RALGPS1: variants seen among roughly 807,000 people sequenced by gnomAD.
The protein encoded by RALGPS1 is Ral GEF with PH domain and SH3 binding motif 1.
Under a neutral mutation model 78.8 loss-of-function variants are expected in RALGPS1, and 19 were observed. The observed-to-expected ratio is 0.24, with a 90% CI of 0.17 to 0.35. RALGPS1 has a LOEUF of 0.35. RALGPS1 is among the 10% of genes least tolerant of loss of function. The pLI is 1.00. For missense variants in RALGPS1, 454 were observed against 688.3 expected (o/e 0.66, Z 3.81); for synonymous variants, 228 against 256.3 (o/e 0.89, Z 1.06).
intron 1 of RALGPS1, among the ~76,000 whole-genome samples, chr9:126,948,335 G>A (rs1490647079): frequency 2.0e-5 from 3 of 152,066 alleles, no homozygotes; most frequent in Non-Finnish European, 2.9e-5. Flanking sequence ...GGCCAATATG[G>A]TGAAACTCTG....
intron 4 of RALGPS1, chr9:126,978,437 C>T (rs1324608773): frequency 1.3e-5 from 2 of 151,684 alleles, no homozygotes; most frequent in South Asian, 2.1e-4. Context: ...TTATTTTACC[C>T]AGGGTGTGTG....
chr9:126,945,179 C>T (rs2037141592), intron 1 of RALGPS1, among the ~76,000 whole-genome samples: 1 of 152,106 alleles, frequency 6.6e-6, no homozygotes, highest in Non-Finnish European at 1.5e-5. Context: ...CTAAGACTGT[C>T]TTTGTCAGGT....
At chr9:127,028,156 C>G (rs1054001640) in intron 4 of RALGPS1, among the ~76,000 whole-genome samples, 1 of 152,236 alleles carries the variant, frequency 6.6e-6, no homozygotes, top group Non-Finnish European at 1.5e-5. Context: ...AGCCCGATTC[C>G]TGGGCTGGCC....
At chr9:127,161,492 A>G (rs1485290229) in intron 8 of RALGPS1, among the ~76,000 whole-genome samples, 1 of 152,148 alleles carries the variant, frequency 6.6e-6, no homozygotes, top group Non-Finnish European at 1.5e-5. Context: ...TCTCTCACTT[A>G]TACCACAGCT....
intron 8 of RALGPS1, among the ~76,000 whole-genome samples, chr9:127,102,023 T>C (rs745650449): frequency 1.3e-5 from 2 of 152,106 alleles, no homozygotes; most frequent in Non-Finnish European, 2.9e-5. Context: ...TTTGACCAGA[T>C]TCATGCCAGG....
At chr9:126,995,159 G>A (rs1322975669) in intron 4 of RALGPS1, among the ~76,000 whole-genome samples, 1 of 152,088 alleles carries the variant, frequency 6.6e-6, no homozygotes, top group African/African-American at 2.4e-5. Context: ...CATAATGACA[G>A]GATCAAATTC....
intron 4 of RALGPS1, among the ~76,000 whole-genome samples, chr9:127,026,620 T>G (rs1025522582): frequency 2.6e-5 from 4 of 152,228 alleles, no homozygotes; most frequent in Admixed American, 2.6e-4. Context: ...TTTTCTAAGT[T>G]TTTGTTTCTT....
At chr9:127,008,109 A>T (rs908631163) in intron 4 of RALGPS1, among the ~76,000 whole-genome samples, 5 of 150,222 alleles carry the variant, frequency 3.3e-5, no homozygotes, top group Non-Finnish European at 7.4e-5. Context: ...ATATCTCCCA[A>T]GTTTCTGGTC....
chr9:127,065,286 G>A (rs965432883), intron 7 of RALGPS1, among the ~76,000 whole-genome samples: 1 of 152,020 alleles, frequency 6.6e-6, no homozygotes, highest in African/African-American at 2.4e-5. Context: ...GCTAATTTTT[G>A]TATTTTTAGT....
chr9:126,996,195 A>G (rs1276481873), intron 4 of RALGPS1, among the ~76,000 whole-genome samples: 5 of 152,224 alleles, frequency 3.3e-5, no homozygotes, highest in Admixed American at 3.3e-4. Context: ...GCAGAACTGA[A>G]GGAAATAGAG....
At chr9:127,145,835 G>A (rs1011410611) in intron 8 of RALGPS1, among the ~76,000 whole-genome samples, 3 of 152,144 alleles carry the variant, frequency 2.0e-5, no homozygotes, top group African/African-American at 4.8e-5. Context: ...CTGACCTTTC[G>A]TTTCCTCATC....
At chr9:127,180,431 G>A (rs973179677) in intron 11 of RALGPS1, among the ~76,000 whole-genome samples, 1 of 152,244 alleles carries the variant, frequency 6.6e-6, no homozygotes, top group African/African-American at 2.4e-5. Flanking sequence ...TCTGGAGTCA[G>A]GCAGAGCTCA....
At chr9:127,210,608 G>A in intron 14 of RALGPS1, 1 of 992,242 alleles carries the variant, frequency 1.0e-6, no homozygotes, top group South Asian at 1.4e-5. Flanking sequence ...TGAGCTAATT[G>A]ACTATGTTGT....
At chr9:127,022,189 C>T (rs1019328919) in intron 4 of RALGPS1, among the ~76,000 whole-genome samples, 1 of 152,122 alleles carries the variant, frequency 6.6e-6, no homozygotes, top group Non-Finnish European at 1.5e-5. Flanking sequence ...TGTGGTTTGT[C>T]TAGCCAGGGG....
At chr9:127,098,583 G>A (rs2053403147) in intron 8 of RALGPS1, among the ~76,000 whole-genome samples, 2 of 152,108 alleles carry the variant, frequency 1.3e-5, no homozygotes, top group South Asian at 4.1e-4. Context: ...CAGCAAGTAG[G>A]GGAGTACCAA....
At chr9:126,986,422 A>G (rs2041806368) in intron 4 of RALGPS1, among the ~76,000 whole-genome samples, 1 of 152,120 alleles carries the variant, frequency 6.6e-6, no homozygotes, top group South Asian at 2.1e-4. Flanking sequence ...TCCTGGGTGG[A>G]TTCCTGGCTG....
chr9:127,108,929 A>T (rs1282672671), intron 8 of RALGPS1: 1 of 601,446 alleles, frequency 1.7e-6, no homozygotes, highest in African/African-American at 1.9e-5. Flanking sequence ...GGAGTCAGAG[A>T]ACAGGCAGCC....
At position 126,965,948 on chromosome 9, in the gene RALGPS1, T is replaced by C; in HGVS notation, c.162T>C (p.Phe54=). ...TCTTGAAAGTGACCCCAGAGGAGTT[T>C]GCTGTAAGTGAAACAGGGCTGGTGT... The part of the protein sequence containing the change: ...FDVLKVTPEE[F]ASQITLMDIP... Residue 54 remains phenylalanine, a synonymous_variant, in exon 3 of 19, where the codon TTT becomes TTC. Transcript: ENST00000259351. 2 of 1,613,540 alleles carry C rather than the reference T, an allele frequency of 1.2e-6. No individual in the cohort carries two copies. Among genetic ancestry groups the C allele is most frequent in the South Asian group, 1.1e-5 (1 of 91,068 alleles).
At chr9:126,924,452 A>G (rs542640938) in intron 1 of RALGPS1, among the ~76,000 whole-genome samples, 1 of 152,352 alleles carries the variant, frequency 6.6e-6, no homozygotes, top group East Asian at 1.9e-4. Flanking sequence ...TATAGCCAGT[A>G]GTACTTGTTG....
Sources: allele counts gnomAD v4.1 joint callset (sites outside exome capture counted in the v4.1 genomes callset), GRCh38; gene constraint gnomAD v4.1.1; transcripts MANE v1.5; gene names NCBI Gene and HGNC (gene_info 2026-07-23, HGNC 2026-07-21).